The following SORCS2 variants were observed in gnomAD, a reference collection of about 807,000 sequenced individuals.
SORCS2 encodes VPS10 domain-containing receptor SorCS2.
SORCS2 carries 100 observed loss-of-function variants against 141.6 expected under a neutral mutation model. The ratio of observed to expected loss-of-function variants is 0.71; its 90% CI spans 0.60 to 0.83. The LOEUF (loss-of-function observed/expected upper bound fraction) is 0.83, where lower values mean the gene tolerates loss of function less well. Ranked by LOEUF, SORCS2 falls within the 40% of genes least tolerant of loss-of-function variation. The pLI is 0.00. For synonymous variants in SORCS2, 789 were observed against 676.9 expected (o/e 1.17, Z -2.57); for missense variants, 1,646 against 1,560.2 (o/e 1.05, Z -0.93).
intron 1 of SORCS2, among the ~76,000 whole-genome samples, chr4:7,198,353 G>A (rs1727288589): frequency 6.6e-6 from 1 of 152,220 alleles, no homozygotes; most frequent in Non-Finnish European, 1.5e-5. Flanking sequence ...CGTGTCCGAT[G>A]CTTGTGGTTT....
In SORCS2 at chr4:7,233,196, G is replaced by A. The variant is rs774935578; in HGVS notation, c.480+40070G>A. ...TCACTGCAGGCAGCAGGAACGGCAC[G>A]GCAGAGGGAGCCTTCCAGAGCAGGG... is the stretch of plus-strand genomic sequence containing the variant. On this transcript the variant is annotated intron_variant, in intron 1 of 26. Transcript: ENST00000507866. This position sits in a 1 kb window ranked among gnomAD's most constrained non-coding sequence, Gnocchi z 4.5. Among the ~76,000 whole-genome samples the A allele has an allele frequency of 2.6e-5, 4 of 152,160 alleles. No homozygotes were observed. Among genetic ancestry groups the A allele is most frequent in the African/African-American group, 7.2e-5 (3 of 41,448 alleles).
chr4:7,509,285 G>T (rs4689770), intron 2 of SORCS2, among the ~76,000 whole-genome samples: 4 of 152,078 alleles, frequency 2.6e-5, no homozygotes, highest in African/African-American at 9.7e-5. Context: ...ACTAGAATCA[G>T]TGTGGGCCAC....
chr4:7,329,067 T>C (rs1719477690), intron 1 of SORCS2, among the ~76,000 whole-genome samples: 1 of 152,146 alleles, frequency 6.6e-6, no homozygotes, highest in African/African-American at 2.4e-5. Context: ...GAGGCGACCG[T>C]GGCTCTGAAT....
intron 8 of SORCS2, among the ~76,000 whole-genome samples, chr4:7,667,766 C>T (rs1722586013): frequency 6.6e-6 from 1 of 152,218 alleles, no homozygotes; most frequent in Admixed American, 6.5e-5. Context: ...AGAAGGGGGA[C>T]CAGGGGAGCT....
intron 8 of SORCS2, among the ~76,000 whole-genome samples, chr4:7,667,900 C>T (rs1163417732): frequency 6.6e-6 from 1 of 152,174 alleles, no homozygotes; most frequent in Non-Finnish European, 1.5e-5. Flanking sequence ...TCTGAGATCA[C>T]ACATCTAGTT....
intron 1 of SORCS2, among the ~76,000 whole-genome samples, chr4:7,285,018 TCCC>T (rs1456799617): frequency 6.7e-4 from 93 of 139,020 alleles, no homozygotes; most frequent in African/African-American, 2.4e-3. Flanking sequence ...CCTGGGACCA[TCCC>T]ATATATATAT....
intron 1 of SORCS2, among the ~76,000 whole-genome samples, chr4:7,308,289 G>T (rs969825934): frequency 5.3e-5 from 8 of 151,010 alleles, no homozygotes; most frequent in African/African-American, 1.5e-4. Flanking sequence ...CCCCACCACC[G>T]CCTCCAACCC....
chr4:7,243,936 T>C (rs1038852568), intron 1 of SORCS2, among the ~76,000 whole-genome samples: 1 of 152,200 alleles, frequency 6.6e-6, no homozygotes, highest in African/African-American at 2.4e-5. Flanking sequence ...GGGATTCCGG[T>C]GGAGCTGGGT....
intron 1 of SORCS2, among the ~76,000 whole-genome samples, chr4:7,276,633 T>G (rs375730357): frequency 3.6e-4 from 55 of 152,130 alleles, no homozygotes; most frequent in African/African-American, 1.3e-3. Context: ...CCTACAGCAC[T>G]TTGCACCCAG....
intron 19 of SORCS2, among the ~76,000 whole-genome samples, chr4:7,724,178 ATAGCAGTACTG>A (rs1171722025): frequency 3.4e-5 from 4 of 118,298 alleles, no homozygotes; most frequent in African/African-American, 8.6e-5. Context: ...GGTGATGGTG[ATAGCAGTACTG>A]GTGGTGGTGG....
intron 2 of SORCS2, among the ~76,000 whole-genome samples, chr4:7,527,719 G>A (rs916942174): frequency 5.3e-5 from 8 of 152,210 alleles, no homozygotes; most frequent in Non-Finnish European, 1.2e-4. Flanking sequence ...GCCTGCCAGT[G>A]TTTGTGCCCC....
intron 1 of SORCS2, among the ~76,000 whole-genome samples, chr4:7,296,374 G>A (rs1160910290): frequency 6.6e-6 from 1 of 152,246 alleles, no homozygotes; most frequent in Non-Finnish European, 1.5e-5. Flanking sequence ...TTTAGGAGCC[G>A]AGGTTGGGCT....
intron 2 of SORCS2, among the ~76,000 whole-genome samples, chr4:7,510,875 C>T (rs922894109): frequency 3.3e-5 from 5 of 152,202 alleles, no homozygotes; most frequent in African/African-American, 9.6e-5. Context: ...GCACATTGGC[C>T]GCCTGACTTC....
intron 1 of SORCS2, among the ~76,000 whole-genome samples, chr4:7,390,036 G>A (rs182891642): frequency 1.8e-4 from 28 of 152,268 alleles, no homozygotes; most frequent in African/African-American, 6.0e-4. Context: ...AGGAGCTCCC[G>A]GGAAGCTGCA....
intron 4 of SORCS2, among the ~76,000 whole-genome samples, chr4:7,647,451 G>A (rs1041837739): frequency 6.6e-6 from 1 of 152,164 alleles, no homozygotes; most frequent in African/African-American, 2.4e-5. Flanking sequence ...AGCGTCACGG[G>A]TGGAGCCTTC....
intron 2 of SORCS2, among the ~76,000 whole-genome samples, chr4:7,448,698 G>A (rs1728176517): frequency 1.0e-5 from 1 of 100,066 alleles, no homozygotes; most frequent in Non-Finnish European, 2.0e-5. Context: ...TCCTCTCTCT[G>A]CCTTCCTCTC....
At chr4:7,274,161 A>G (rs1476248383) in intron 1 of SORCS2, among the ~76,000 whole-genome samples, 1 of 152,170 alleles carries the variant, frequency 6.6e-6, no homozygotes, top group East Asian at 1.9e-4. Context: ...GCTAGCCCAA[A>G]AACAGATCCG....
chr4:7,540,674 T>C (rs1002810744), intron 3 of SORCS2, among the ~76,000 whole-genome samples: 7 of 152,140 alleles, frequency 4.6e-5, no homozygotes, highest in African/African-American at 1.7e-4. Context: ...GGCCCACACA[T>C]CTGATGAAGA....
At position 7,433,910 on chromosome 4, in the gene SORCS2, C is replaced by T. The variant is rs377051073; in HGVS notation, c.548+37555C>T. The T allele has an allele frequency of 5.0e-5, 81 of 1,613,718 alleles. No homozygotes were observed. Among genetic ancestry groups the T allele is most frequent in the African/African-American group, 2.8e-4 (21 of 74,924 alleles). On this transcript the variant is annotated intron_variant, in intron 2 of 26. Coordinates refer to ENST00000507866, the MANE Select transcript of SORCS2 (RefSeq NM_020777.3). Reference sequence around the variant, plus strand: ...ATAGAGGCAGGCATTACCGAGCACACGCGCTCCAGGGCATGGGTGATCATG... The same window carrying T: ...ATAGAGGCAGGCATTACCGAGCACATGCGCTCCAGGGCATGGGTGATCATG...
Sources: gnomAD v4.1 joint callset for allele counts (sites outside exome capture counted in the v4.1 genomes callset) on GRCh38, gnomAD v4.1.1 for gene constraint, Gnocchi (gnomAD v3.1) non-coding constraint, MANE v1.5 for transcripts, NCBI Gene and HGNC (gene_info 2026-07-23, HGNC 2026-07-21) for gene names.